Variants in LIMD1 observed in about 807,000 individuals in gnomAD.
The protein encoded by LIMD1 is LIM domain containing 1.
In LIMD1, 23 loss-of-function variants were observed where a neutral mutation model predicts 58.4. The observed-to-expected ratio is 0.39, with a 90% CI of 0.28 to 0.56. LIMD1 has a LOEUF of 0.56. LIMD1 is among the 20% of genes least tolerant of loss of function. The pLI is 0.57. For synonymous variants in LIMD1, 334 were observed against 345.5 expected (o/e 0.97, Z 0.37); for missense variants, 838 against 855.5 (o/e 0.98, Z 0.25).
At chr3:45,641,807 G>A (rs1173559176) in intron 2 of LIMD1, among the ~76,000 whole-genome samples, 2 of 152,200 alleles carry the variant, frequency 1.3e-5, no homozygotes, top group Non-Finnish European at 2.9e-5. Flanking sequence ...TGACACTGAA[G>A]CAAAAGGGGC....
chr3:45,665,006 G>A (rs1359192447), intron 2 of LIMD1, among the ~76,000 whole-genome samples: 8 of 152,076 alleles, frequency 5.3e-5, no homozygotes, highest in Non-Finnish European at 1.2e-4. Flanking sequence ...AGAGATGAGA[G>A]GGACTGATAA....
At chr3:45,655,167 A>G (rs192404890) in intron 2 of LIMD1, among the ~76,000 whole-genome samples, 13 of 152,198 alleles carry the variant, frequency 8.5e-5, no homozygotes, top group African/African-American at 2.9e-4. Context: ...TGATCTGCCT[A>G]CCTCAGCCTC....
chr3:45,623,753 T>C (rs376251306), intron 1 of LIMD1, among the ~76,000 whole-genome samples: 1 of 152,174 alleles, frequency 6.6e-6, no homozygotes, highest in East Asian at 1.9e-4. Flanking sequence ...GGATGCCAGG[T>C]AGGATGCAGG....
intron 3 of LIMD1, among the ~76,000 whole-genome samples, chr3:45,666,511 C>T (rs1236598081): frequency 2.0e-5 from 3 of 152,128 alleles, no homozygotes; most frequent in Admixed American, 6.5e-5. Flanking sequence ...CCTATGCAAC[C>T]TCATGCCTTC....
intron 1 of LIMD1, among the ~76,000 whole-genome samples, chr3:45,627,726 G>T (rs1453147945): frequency 1.0e-5 from 1 of 95,354 alleles, no homozygotes; most frequent in African/African-American, 4.6e-5. Flanking sequence ...AAAAAAAAAA[G>T]GCCAGGTGCG....
chr3:45,648,662 G>C (rs978591903), intron 2 of LIMD1, among the ~76,000 whole-genome samples: 9 of 152,182 alleles, frequency 5.9e-5, no homozygotes, highest in Admixed American at 3.3e-4. Context: ...GTTTTTTAAA[G>C]AAGCTCTACC....
At chr3:45,659,284 T>C (rs1697394926) in intron 2 of LIMD1, among the ~76,000 whole-genome samples, 1 of 152,244 alleles carries the variant, frequency 6.6e-6, no homozygotes, top group South Asian at 2.1e-4. Context: ...AATACACTTG[T>C]CAAGTTTGCT....
At chr3:45,672,609 C>A in intron 4 of LIMD1, 81 bp from the exon 5 acceptor site, 1 of 1,494,004 alleles carries the variant, frequency 6.7e-7, no homozygotes, top group Non-Finnish European at 9.2e-7. Flanking sequence ...TCATGTAATC[C>A]TTAGGCCTGA....
intron 5 of LIMD1, 29 bp downstream of exon 5, chr3:45,672,849 C>T (rs1298903796): frequency 6.2e-7 from 1 of 1,611,938 alleles, no homozygotes; most frequent in Admixed American, 1.7e-5. Context: ...AGACAGGACC[C>T]ATTCGTGTAG....
At chr3:45,609,619 T>C (rs970351544) in intron 1 of LIMD1, among the ~76,000 whole-genome samples, 4 of 152,194 alleles carry the variant, frequency 2.6e-5, no homozygotes, top group African/African-American at 9.7e-5. Context: ...TCCACAGCCC[T>C]CACTTACCCC....
chr3:45,624,175 G>A (rs947681878), intron 1 of LIMD1, among the ~76,000 whole-genome samples: 1 of 152,200 alleles, frequency 6.6e-6, no homozygotes, highest in Non-Finnish European at 1.5e-5. Flanking sequence ...GATCTTTCTA[G>A]CATCCCTGCA....
Position 45,672,762 on chromosome 3 carries a change from G to C in LIMD1, c.1714G>C (p.Gly572Arg). The change falls in exon 5 of 8, where the codon GGG (glycine) becomes CGG (arginine). Residue 572 changes from glycine to arginine, a missense_variant. Physicochemically the swap from Gly to Arg is moderately radical, Grantham distance 125 (BLOSUM62 -2). Transcript: ENST00000273317. Reference protein sequence around the residue: ...RCVICNECLDGVPFTVDSENK... With the variant: ...RCVICNECLDRVPFTVDSENK... ...TGTCATCTGTAATGAGTGTTTGGAT[G>C]GGGTGCCCTTCACCGTGGACTCAGA... The C allele has an allele frequency of 6.2e-7, 1 of 1,614,058 alleles. No homozygotes were observed. The highest frequency in any genetic ancestry group is 8.5e-7 in the Non-Finnish European group (1 of 1,179,964).
chr3:45,601,681 C>G (rs1259477346), intron 1 of LIMD1, among the ~76,000 whole-genome samples: 1 of 152,222 alleles, frequency 6.6e-6, no homozygotes, highest in African/African-American at 2.4e-5. Flanking sequence ...GCACCATTCT[C>G]TGTTTACAGT....
Position 45,678,040 on chromosome 3 carries a change from G to A in LIMD1, c.*981G>A, listed in dbSNP as rs958489731. 6.6e-6 allele frequency: 1 copy of A among 152,508 alleles called. No individual in the cohort carries two copies. The highest frequency in any genetic ancestry group is 6.5e-5 in the Admixed American group (1 of 15,270). 9.4% of individuals were successfully genotyped at this position (152,508 alleles called of 1,614,324 possible). ...AAACAAGGAGAGTTTTTGTGTGTGCGAGATCTCTAAGCCAGCGTGGGAGGG... is the reference window on the plus strand; with the variant it reads ...AAACAAGGAGAGTTTTTGTGTGTGCAAGATCTCTAAGCCAGCGTGGGAGGG... On this transcript the variant is annotated 3_prime_UTR_variant, in exon 8 of 8. Coordinates refer to ENST00000273317, the MANE Select transcript of LIMD1 (RefSeq NM_014240.3).
chr3:45,614,342 A>G (rs949412750), intron 1 of LIMD1, among the ~76,000 whole-genome samples: 1 of 151,226 alleles, frequency 6.6e-6, no homozygotes, highest in Non-Finnish European at 1.5e-5. Context: ...CCTGGCTAAC[A>G]TGGTGAAACC....
chr3:45,676,407 G>T (rs1158001923), intron 7 of LIMD1, among the ~76,000 whole-genome samples: 1 of 151,414 alleles, frequency 6.6e-6, no homozygotes, highest in Non-Finnish European at 1.5e-5. Context: ...ACGTGTGCCA[G>T]GGTGGTTTGC....
chr3:45,647,459 G>T (rs527620557), intron 2 of LIMD1, among the ~76,000 whole-genome samples: 3 of 152,322 alleles, frequency 2.0e-5, no homozygotes, highest in East Asian at 1.9e-4. Context: ...CAGCCTGGGG[G>T]TCCGGCAAAT....
At chr3:45,671,902 C>A (rs1232549306) in intron 4 of LIMD1, among the ~76,000 whole-genome samples, 1 of 152,192 alleles carries the variant, frequency 6.6e-6, no homozygotes, top group South Asian at 2.1e-4. Context: ...CAGTTACTTA[C>A]GGACCTCACC....
chr3:45,666,516 G>A (rs1223465017), intron 3 of LIMD1, among the ~76,000 whole-genome samples: 2 of 152,052 alleles, frequency 1.3e-5, no homozygotes, highest in Non-Finnish European at 2.9e-5. Context: ...GCAACCTCAT[G>A]CCTTCGTGCC....
Sources: gnomAD v4.1 joint callset for allele counts (sites outside exome capture counted in the v4.1 genomes callset) on GRCh38, gnomAD v4.1.1 for gene constraint, MANE v1.5 for transcripts, NCBI Gene and HGNC (gene_info 2026-07-23, HGNC 2026-07-21) for gene names.